Variants in SLF2 observed in about 807,000 individuals in gnomAD.
SLF2 encodes SMC5-SMC6 complex localization factor protein 2.
Under a neutral mutation model 124.3 loss-of-function variants are expected in SLF2, and 68 were observed. The ratio of observed to expected loss-of-function variants is 0.55; its 90% confidence interval spans 0.45 to 0.67. The LOEUF (loss-of-function observed/expected upper bound fraction) is 0.67, where lower values mean the gene tolerates loss of function less well. Among genes scored for constraint, SLF2 ranks in the 30% least tolerant of loss-of-function variants. The pLI is 0.00. For missense variants in SLF2, 1,246 were observed against 1,373.7 expected, an observed-to-expected ratio of 0.91 and a Z score of 1.47; for synonymous variants, 480 against 478.8, an observed-to-expected ratio of 1.00 and a Z score of -0.03.
Position 100,930,034 on chromosome 10 carries a change from T to TA in SLF2, c.2333+43dup, listed in dbSNP as rs537955625. 88 of 1,359,068 alleles carry TA rather than the reference T, an allele frequency of 6.5e-5. No homozygotes were observed. In the African/African-American group the frequency reaches 1.2e-3, roughly 18 times the overall value. The allele number at this position is 1,359,068 out of a possible 1,614,324, so 84.2% of individuals were successfully genotyped here. On this transcript the variant is annotated intron_variant, in intron 8 of 19. Coordinates refer to ENST00000238961, the MANE Select transcript of SLF2 (RefSeq NM_018121.4). The stretch of plus-strand genomic sequence containing the variant: ...AATAGACATTTTACTTTTATATGTA[T>TA]AAAAAATTACTCTAAAACACTTCTG...
chr10:100,931,396 G>A (rs183714689), intron 9 of SLF2, among the ~76,000 whole-genome samples: 1 of 151,684 alleles, frequency 6.6e-6, no homozygotes, highest in African/African-American at 2.4e-5. Context: ...CTTTTTTCAT[G>A]TTTATGGTGG....
chr10:100,916,664 A>C lies in SLF2; in HGVS notation c.279A>C (p.Leu93=). Residue 93 remains leucine, a synonymous_variant, in exon 3 of 20, where the codon CTA becomes CTC. Transcript: ENST00000238961. The part of the protein sequence containing the change: ...ITGTEQFERK[L]SSPKESKPKR... ...GGACAGAGCAGTTTGAAAGGAAACT[A>C]TCCTCACCAAAAGAATCTAAACCCA... 1.3e-6 allele frequency: 2 copies of C among 1,530,724 alleles called. No homozygotes were observed. Among genetic ancestry groups the C allele is most frequent in the Non-Finnish European group, 1.7e-6 (2 of 1,145,804 alleles). 94.8% of individuals were successfully genotyped at this position (1,530,724 alleles called of 1,614,324 possible).
intron 9 of SLF2, among the ~76,000 whole-genome samples, chr10:100,936,960 A>G (rs1849875986): frequency 6.6e-6 from 1 of 152,170 alleles, no homozygotes; most frequent in African/African-American, 2.4e-5. Flanking sequence ...AGTTGGGTAG[A>G]ATATTTAATC....
At chr10:100,940,400 C>T (rs377475749) in intron 11 of SLF2, among the ~76,000 whole-genome samples, 2 of 152,126 alleles carry the variant, frequency 1.3e-5, no homozygotes, top group Non-Finnish European at 2.9e-5. Context: ...TGCTTTGTTG[C>T]GCAGGCTGGA....
chr10:100,959,360 A>G, intron 18 of SLF2, 68 bp from the exon 19 acceptor site: 1 of 1,388,334 alleles, frequency 7.2e-7, no homozygotes, highest in South Asian at 1.7e-5. Flanking sequence ...TATTTTGTGT[A>G]GTGTTAAGCT....
At chr10:100,954,492 A>G (rs950191124) in intron 17 of SLF2, among the ~76,000 whole-genome samples, 7 of 152,354 alleles carry the variant, frequency 4.6e-5, no homozygotes, top group African/African-American at 7.2e-5. Flanking sequence ...TTAAATCGCT[A>G]TTATCACATT....
At chr10:100,961,751 C>T in intron 19 of SLF2, 126 bp from the exon 20 acceptor site, 1 of 715,692 alleles carries the variant, frequency 1.4e-6, no homozygotes, top group Non-Finnish European at 2.2e-6. Context: ...TCAGAGAAGT[C>T]AATATAAAGA....
At chr10:100,934,515 CAT>C (rs1564776719) in intron 9 of SLF2, among the ~76,000 whole-genome samples, 1 of 152,048 alleles carries the variant, frequency 6.6e-6, no homozygotes, top group Non-Finnish European at 1.5e-5. Context: ...TTTTTTTTCA[CAT>C]AGATTGTGTT....
At chr10:100,918,784 T>A (rs1426181609) in intron 4 of SLF2, among the ~76,000 whole-genome samples, 1 of 152,026 alleles carries the variant, frequency 6.6e-6, no homozygotes, top group Non-Finnish European at 1.5e-5. Flanking sequence ...CAACTATGCC[T>A]GGTTAATTTC....
intron 11 of SLF2, among the ~76,000 whole-genome samples, chr10:100,943,173 A>T (rs1850013766): frequency 6.6e-6 from 1 of 152,242 alleles, no homozygotes; most frequent in Admixed American, 6.5e-5. Flanking sequence ...AAAAGGGCTT[A>T]TTATAAATAA....
At chr10:100,920,948 C>T (rs1364558476) in intron 4 of SLF2, among the ~76,000 whole-genome samples, 2 of 151,722 alleles carry the variant, frequency 1.3e-5, no homozygotes, top group African/African-American at 2.4e-5. Flanking sequence ...GACTCAATCT[C>T]GAAAAAAATA....
intron 1 of SLF2, 124 bp from the exon 2 acceptor site, chr10:100,915,875 C>G: frequency 1.4e-6 from 1 of 732,436 alleles, no homozygotes; most frequent in South Asian, 1.8e-5. Flanking sequence ...TTACCATTGT[C>G]AGAACTTTAT....
chr10:100,918,412 C>T lies in SLF2; in HGVS notation c.944C>T (p.Ser315Phe). The T allele has an allele frequency of 6.3e-7, 1 of 1,595,022 alleles. No homozygotes were observed. The highest frequency in any genetic ancestry group is 1.1e-5 in the South Asian group (1 of 87,552). Residue 315 changes from serine (S) to phenylalanine (F), a missense_variant, in exon 4 of 20, where the codon TCC becomes TTC. Ser to Phe is a radical substitution (Grantham distance 155). Transcript: ENST00000238961. ...VENGHLSRKR[S>F]SSDSWEPTSA... is the part of the protein sequence containing the mutation. ...AATGGACATCTCTCAAGAAAAAGAT[C>T]CTCTTCTGATTCATGGGAACCTACT...
In SLF2 at chr10:100,937,449, T is replaced by C; in HGVS notation, c.2484T>C (p.Ser828=). ...TDCIVSVQIL[S]TLMEITIRND... ...GTATTGTGTCAGTGCAGATTTTAAG[T>C]ACATTGATGGAAATAACAATTAGAA... is the stretch of plus-strand genomic sequence containing the variant. The change falls in exon 10 of 20, where the codon AGT becomes AGC. Residue 828 remains serine, a synonymous_variant. Coordinates refer to ENST00000238961, the MANE Select transcript of SLF2 (RefSeq NM_018121.4). 1 of 1,605,886 alleles carries C rather than the reference T, an allele frequency of 6.2e-7. No homozygotes were observed. Among genetic ancestry groups the C allele is most frequent in the Non-Finnish European group, 8.5e-7 (1 of 1,172,636 alleles).
chr10:100,934,970 C>T (rs1042062859), intron 9 of SLF2, among the ~76,000 whole-genome samples: 1 of 151,916 alleles, frequency 6.6e-6, no homozygotes, highest in Non-Finnish European at 1.5e-5. Context: ...GGCTTCTAAG[C>T]AAATGAAAAA....
intron 17 of SLF2, among the ~76,000 whole-genome samples, chr10:100,952,827 T>C (rs1850244858): frequency 6.6e-6 from 1 of 150,788 alleles, no homozygotes; most frequent in Non-Finnish European, 1.5e-5. Flanking sequence ...TAATCCCAGC[T>C]ACTGGGGAGC....
At chr10:100,937,586 A>T in intron 10 of SLF2, 109 bp downstream of exon 10, 1 of 766,260 alleles carries the variant, frequency 1.3e-6, no homozygotes, top group Non-Finnish European at 2.1e-6. Flanking sequence ...ACAATACAAA[A>T]TTATTTTTCT....
intron 1 of SLF2, chr10:100,913,545 G>A: frequency 8.1e-7 from 1 of 1,238,548 alleles, no homozygotes; most frequent in Non-Finnish European, 1.0e-6. Flanking sequence ...GTTTGACCCG[G>A]GACCCTAACT....
At chr10:100,933,146 C>T (rs542708045) in intron 9 of SLF2, among the ~76,000 whole-genome samples, 1 of 152,280 alleles carries the variant, frequency 6.6e-6, no homozygotes, top group Admixed American at 6.5e-5. Context: ...GCCAGGGCTT[C>T]ATTATTCTCT....
Sources: allele counts gnomAD v4.1 joint callset (sites outside exome capture counted in the v4.1 genomes callset), GRCh38; gene constraint gnomAD v4.1.1; transcripts MANE v1.5; gene names NCBI Gene and HGNC (gene_info 2026-07-23, HGNC 2026-07-21).